PTPRA: variants seen among roughly 807,000 people sequenced by gnomAD.
PTPRA encodes receptor-type tyrosine-protein phosphatase alpha.
A neutral mutation model predicts 104.8 loss-of-function variants in PTPRA; 25 were observed. That is an observed-to-expected ratio of 0.24 (90% CI 0.17 to 0.33). The LOEUF is 0.33. PTPRA is among the 10% of genes least tolerant of loss of function. The pLI is 1.00. For missense variants in PTPRA, 765 were observed against 1,015.3 expected (o/e 0.75, Z 3.35); for synonymous variants, 323 against 368.9 (o/e 0.88, Z 1.43).
chr20:2,941,619 G>T (rs955209239), intron 2 of PTPRA, among the ~76,000 whole-genome samples: 2 of 152,140 alleles, frequency 1.3e-5, no homozygotes, highest in African/African-American at 4.8e-5. Flanking sequence ...TTCTTCAAAG[G>T]CTTCTTAATG....
At position 2,877,597 on chromosome 20, in the gene PTPRA, T is replaced by C. The variant is rs191330316; in HGVS notation, c.-129+3837T>C. Among the ~76,000 whole-genome samples, 98 of 152,170 alleles carry C rather than the reference T, an allele frequency of 6.4e-4. 1 individual carries two copies. The highest frequency in any genetic ancestry group is 2.3e-3 in the African/African-American group (95 of 41,502). ...TTAGTGAGTCTGAGTACAACAAAAA[T>C]AGCAATAATATAACACTAACTTAAT... On this transcript the variant is annotated intron_variant, in intron 1 of 23. Coordinates refer to ENST00000399903, the MANE Select transcript of PTPRA (RefSeq NM_001385305.1).
intron 1 of PTPRA, among the ~76,000 whole-genome samples, chr20:2,908,898 A>G (rs1438851839): frequency 6.6e-6 from 1 of 152,210 alleles, no homozygotes; most frequent in Non-Finnish European, 1.5e-5. Context: ...GCATTAATAA[A>G]AAATAAAATG....
At chr20:3,017,203 T>G (rs1175943892) in intron 12 of PTPRA, among the ~76,000 whole-genome samples, 2 of 152,192 alleles carry the variant, frequency 1.3e-5, no homozygotes, top group Non-Finnish European at 2.9e-5. Context: ...TCTTCTTTCT[T>G]CAGTTGCATT....
intron 1 of PTPRA, among the ~76,000 whole-genome samples, chr20:2,894,015 G>T (rs1362393640): frequency 6.6e-6 from 1 of 151,868 alleles, no homozygotes; most frequent in Non-Finnish European, 1.5e-5. Flanking sequence ...TTTCAAGAAA[G>T]TTTTTTTTAA....
At chr20:2,949,332 T>C (rs1456196327) in intron 3 of PTPRA, among the ~76,000 whole-genome samples, 1 of 151,918 alleles carries the variant, frequency 6.6e-6, no homozygotes, top group African/African-American at 2.4e-5. Context: ...AATTTTTTTA[T>C]TTTCAGATGT....
chr20:2,927,821 CCAACACGG>C (rs540873469), intron 2 of PTPRA, among the ~76,000 whole-genome samples: 1 of 152,152 alleles, frequency 6.6e-6, no homozygotes, highest in South Asian at 2.1e-4. Flanking sequence ...ACCAGCCTGG[CCAACACGG>C]CAAAACCCTG....
chr20:2,907,029 A>C (rs1422783919), intron 1 of PTPRA, among the ~76,000 whole-genome samples: 2 of 152,122 alleles, frequency 1.3e-5, no homozygotes, highest in African/African-American at 4.8e-5. Flanking sequence ...TATCCACTGC[A>C]AATTTGTTTG....
At chr20:2,915,842 A>G (rs1322901095) in intron 1 of PTPRA, among the ~76,000 whole-genome samples, 2 of 152,206 alleles carry the variant, frequency 1.3e-5, no homozygotes, top group East Asian at 3.9e-4. Flanking sequence ...AAATTAGCCT[A>G]TGGCGTGTGC....
chr20:3,024,297 G>A (rs1389932774), intron 16 of PTPRA, among the ~76,000 whole-genome samples, 175 bp from the exon 17 acceptor site: 1 of 152,124 alleles, frequency 6.6e-6, no homozygotes, highest in East Asian at 1.9e-4. Context: ...CCCCCACAGG[G>A]ACTCCTGCAT....
intron 2 of PTPRA, among the ~76,000 whole-genome samples, chr20:2,928,917 G>A (rs1480358163): frequency 3.3e-5 from 5 of 149,946 alleles, no homozygotes; most frequent in Non-Finnish European, 5.9e-5. Context: ...GCAGCCTCGA[G>A]CTCCCAGGTT....
intron 9 of PTPRA, among the ~76,000 whole-genome samples, chr20:2,996,025 A>G (rs897504499): frequency 3.3e-5 from 5 of 152,114 alleles, no homozygotes; most frequent in Non-Finnish European, 5.9e-5. Context: ...CTTTCCTTCC[A>G]TCTGAACCCA....
At chr20:3,023,718 A>G (rs776628881) in intron 16 of PTPRA, among the ~76,000 whole-genome samples, 6 of 152,204 alleles carry the variant, frequency 3.9e-5, no homozygotes, top group Non-Finnish European at 8.8e-5. Context: ...ATAGTGATCA[A>G]TAAATACTGA....
intron 5 of PTPRA, among the ~76,000 whole-genome samples, chr20:2,974,254 G>A (rs1411415653): frequency 6.6e-6 from 1 of 151,466 alleles, no homozygotes; most frequent in Admixed American, 6.6e-5. Context: ...GCGCCCGGCC[G>A]TCTGTTTGAT....
intron 11 of PTPRA, among the ~76,000 whole-genome samples, chr20:3,008,744 ACAAAAAAAAAAAAAAC>A (rs1568693827): frequency 4.0e-5 from 5 of 125,204 alleles, no homozygotes; most frequent in African/African-American, 1.1e-4. Context: ...AAAAAAAAAA[ACAAAAAAAAAAAAAAC>A]AACTTAGCCG....
the PTPRA span, chr20:2,865,516 C>A: frequency 6.2e-7 from 1 of 1,607,124 alleles, no homozygotes; most frequent in East Asian, 2.2e-5. The surrounding 1 kb of genome is among the most constrained non-coding windows in gnomAD (Gnocchi z 5.2). Flanking sequence ...GTCCTCCCTC[C>A]AGCCCACTTC....
At chr20:2,889,481 A>G (rs1176271994) in intron 1 of PTPRA, among the ~76,000 whole-genome samples, 1 of 152,236 alleles carries the variant, frequency 6.6e-6, no homozygotes, top group African/African-American at 2.4e-5. Flanking sequence ...ATGTAGTAAA[A>G]CAGGTTTTGG....
rs139950399 is a variant in PTPRA, at chr20:3,007,874, A to G, written c.906+454A>G. 1.4e-3 allele frequency among the ~76,000 whole-genome samples: 211 copies of G among 152,260 alleles called. 2 individuals are homozygous for G. Among genetic ancestry groups the G allele is most frequent in the African/African-American group, 4.7e-3 (194 of 41,540 alleles). The stretch of plus-strand genomic sequence containing the variant: ...TATATATGACTATCTGGTTAGCCAT[A>G]TATGAACCAAGGCCTGAGGGAAGAG... On this transcript the variant is annotated intron_variant, in intron 11 of 23. Coordinates refer to ENST00000399903, the MANE Select transcript of PTPRA (RefSeq NM_001385305.1).
At chr20:2,885,560 A>G (rs770375893) in intron 1 of PTPRA, among the ~76,000 whole-genome samples, 4 of 152,220 alleles carry the variant, frequency 2.6e-5, no homozygotes, top group Non-Finnish European at 5.9e-5. Flanking sequence ...TATTCTTTCT[A>G]TGTGATACTA....
chr20:3,027,236 G>C, intron 19 of PTPRA, 39 bp downstream of exon 19: 1 of 1,589,018 alleles, frequency 6.3e-7, no homozygotes, highest in Non-Finnish European at 8.6e-7. Flanking sequence ...CCAACACCCC[G>C]TGGAGATTCA....
Sources: allele counts gnomAD v4.1 joint callset (sites outside exome capture counted in the v4.1 genomes callset), GRCh38; gene constraint gnomAD v4.1.1; non-coding constraint Gnocchi (gnomAD v3.1); transcripts MANE v1.5; gene names NCBI Gene and HGNC (gene_info 2026-07-23, HGNC 2026-07-21).